CABP2: variants seen among roughly 807,000 people sequenced by gnomAD.
CABP2 encodes calcium-binding protein 2.
In CABP2, 25 loss-of-function variants were observed where a neutral mutation model predicts 28.6. The observed-to-expected ratio is 0.87, with a 90% CI of 0.64 to 1.22. The LOEUF (loss-of-function observed/expected upper bound fraction) is 1.22, where lower values mean the gene tolerates loss of function less well. Ranked by LOEUF, CABP2 falls within the 50% of genes most tolerant of loss-of-function variation. The pLI is 0.00. For synonymous variants in CABP2, 138 were observed against 126.0 expected, an observed-to-expected ratio of 1.09 and a Z score of -0.64; for missense variants, 310 against 312.2, an observed-to-expected ratio of 0.99 and a Z score of 0.05.
At chr11:67,520,216 G>T in intron 4 of CABP2, 56 bp from the exon 5 acceptor site, 3 of 1,145,010 alleles carry the variant, frequency 2.6e-6, no homozygotes, top group Non-Finnish European at 2.6e-6. Flanking sequence ...CCCCTCCCTG[G>T]CCCTCCCTCC....
chr11:67,520,955 C>G lies in CABP2; in HGVS notation c.379+70G>C, dbSNP rs79762021. Reference sequence around the variant, plus strand: ...CTGTGCAGTCACCTGTGTACCTGGACTGCTTGGCTTCATGGGCCCAGCGGG... The same window carrying G: ...CTGTGCAGTCACCTGTGTACCTGGAGTGCTTGGCTTCATGGGCCCAGCGGG... On this transcript the variant is annotated intron_variant, in intron 4 of 6. Transcript: ENST00000294288. 2.3e-5 allele frequency: 36 copies of G among 1,541,170 alleles called. No individual in the cohort carries two copies. In the East Asian group the frequency reaches 8.1e-4, roughly 35 times the overall value.
intron 2 of CABP2, 69 bp from the exon 3 acceptor site, chr11:67,522,051 CG>C: frequency 7.0e-7 from 1 of 1,427,078 alleles, no homozygotes; most frequent in Non-Finnish European, 9.8e-7. Flanking sequence ...TCTTGCTTCC[CG>C]GGGCTCCCCA....
chr11:67,522,635 C>T lies in CABP2; in HGVS notation c.124G>A (p.Ala42Thr), dbSNP rs75768178. Residue 42 changes from alanine (A) to threonine (T), a missense_variant, in exon 2 of 7, where the codon GCG becomes ACG. Transcript: ENST00000294288. ...SSSPKEQGDP[A>T]PGVQGYSVLN... ...ACCGAGTAGCCCTGGACGCCTGGCG[C>T]GGGGTCCCCCTGCTCCTTGGGGCTG... 7.0e-4 allele frequency: 1,076 copies of T among 1,547,446 alleles called. 15 individuals carry two copies. The East Asian group carries it at 0.023, about 33-fold the overall frequency.
Position 67,522,597 on chromosome 11 carries a change from C to A in CABP2, c.162G>T (p.Leu54=). The part of the protein sequence containing the change: ...GVQGYSVLNS[L]VGPACIFLRP... ...GCAGGAAGATGCAGGCAGGCCCCAC[C>A]AGGCTGTTGAGCACCGAGTAGCCCT... The change falls in exon 2 of 7, where the codon CTG becomes CTT. Residue 54 remains leucine, a synonymous_variant. Coordinates refer to ENST00000294288, the MANE Select transcript of CABP2 (RefSeq NM_016366.3). 6.4e-7 allele frequency: 1 copy of A among 1,552,378 alleles called. No homozygotes were observed. Among genetic ancestry groups the A allele is most frequent in the Middle Eastern group, 1.7e-4 (1 of 5,954 alleles).
chr11:67,519,539 C>G (rs190083675), intron 6 of CABP2, among the ~76,000 whole-genome samples: 46 of 152,318 alleles, frequency 3.0e-4, no homozygotes, highest in Admixed American at 5.9e-4. Flanking sequence ...CTGGATCAGG[C>G]TGCCCAGATT....
At chr11:67,520,836 C>G (rs1165095365) in intron 4 of CABP2, among the ~76,000 whole-genome samples, 189 bp downstream of exon 4, 1 of 152,218 alleles carries the variant, frequency 6.6e-6, no homozygotes, top group Non-Finnish European at 1.5e-5. Context: ...GGATCACAGT[C>G]CTTGCTGTGC....
intron 4 of CABP2, 54 bp from the exon 5 acceptor site, chr11:67,520,214 T>C: frequency 8.7e-7 from 1 of 1,153,490 alleles, no homozygotes; most frequent in Non-Finnish European, 1.3e-6. Context: ...TGCCCCTCCC[T>C]GGCCCTCCCT....
intron 3 of CABP2, among the ~76,000 whole-genome samples, chr11:67,521,733 G>C (rs1286622781): frequency 6.6e-6 from 1 of 152,192 alleles, no homozygotes. Flanking sequence ...TGCCTGGTGA[G>C]TGAGACCAAG....
rs1275316245 is a variant in CABP2, at chr11:67,519,954, G to A, written c.490-14C>T. 2.5e-6 allele frequency: 4 copies of A among 1,602,074 alleles called. No individual in the cohort carries two copies. In the African/African-American group the frequency reaches 4.0e-5, roughly 16 times the overall value. On this transcript the variant is annotated splice_polypyrimidine_tract_variant and intron_variant, in intron 5 of 6. Transcript: ENST00000294288. ...ATTGGTGTCGAACTGTGGCGGCGTTGGTTGTGGCGTCTGGTCACTGACAGT... is the reference window on the plus strand; with the variant it reads ...ATTGGTGTCGAACTGTGGCGGCGTTAGTTGTGGCGTCTGGTCACTGACAGT...
rs1866744290 is a variant in CABP2 at position 67,521,231 on chromosome 11, C to T, written c.245-72G>A. On this transcript the variant is annotated intron_variant, in intron 3 of 6. Transcript: ENST00000294288. The stretch of plus-strand genomic sequence containing the variant: ...CTGGCCTGGACCCGCCTACCCTTCT[C>T]CCTTGGTCCAATCATCCCTCCTTCT... 19 of 1,493,874 alleles carry T rather than the reference C, an allele frequency of 1.3e-5. No homozygotes were observed. The South Asian group carries it at 1.9e-4, about 15-fold the overall frequency. 92.5% of individuals were successfully genotyped at this position (1,493,874 alleles called of 1,614,324 possible). A position where few individuals can be genotyped will look rare whatever the true frequency, so the allele number is the denominator to read the frequency against.
rs1176836668 is a variant in CABP2 at position 67,519,829 on chromosome 11, C to G, written c.601G>C (p.Val201Leu). The G allele has an allele frequency of 1.2e-6, 2 of 1,614,084 alleles. No homozygotes were observed. The highest frequency in any genetic ancestry group is 2.7e-5 in the African/African-American group (2 of 75,042). ...QREVDEILQD[V>L]DLNGDGLVDF... ...ACCAGACCGTCCCCATTGAGGTCCA[C>G]GTCCTGGAGGATCTCGTCCACCTCC... Residue 201 changes from valine (V) to leucine (L), a missense_variant, in exon 6 of 7, where the codon GTG (valine) becomes CTG (leucine). Val to Leu is a conservative substitution (Grantham distance 32). Transcript: ENST00000294288.
intron 2 of CABP2, 34 bp downstream of exon 2, chr11:67,522,512 G>T: frequency 1.9e-6 from 3 of 1,552,270 alleles, no homozygotes; most frequent in Non-Finnish European, 2.6e-6. Flanking sequence ...AGGGGCAAGG[G>T]CAGGCAGGCT....
intron 1 of CABP2, 98 bp from the exon 2 acceptor site, chr11:67,522,814 CCCGGCATGG>C: frequency 8.6e-7 from 1 of 1,160,880 alleles, no homozygotes; most frequent in African/African-American, 1.6e-5. Context: ...GTCTTTGGAG[CCCGGCATGG>C]GACAGTAGGG....
Position 67,523,383 on chromosome 11 carries a change from G to T in CABP2, c.-57C>A, listed in dbSNP as rs774220847. 1.7e-5 allele frequency: 25 copies of T among 1,506,170 alleles called. No homozygotes were observed. In the African/African-American group the frequency reaches 3.5e-4, roughly 21 times the overall value. The allele number at this position is 1,506,170 out of a possible 1,614,324, so 93.3% of individuals were successfully genotyped here. ...GGGGGTGGCCCGGGTGGGCCTCGGCGGATGCTGCTGCCTGAGGACTCCTGC... is the reference window on the plus strand; with the variant it reads ...GGGGGTGGCCCGGGTGGGCCTCGGCTGATGCTGCTGCCTGAGGACTCCTGC... On this transcript the variant is annotated 5_prime_UTR_variant, in exon 1 of 7. Coordinates refer to ENST00000294288, the MANE Select transcript of CABP2 (RefSeq NM_016366.3).
intron 2 of CABP2, 55 bp downstream of exon 2, chr11:67,522,491 G>A: frequency 6.5e-7 from 1 of 1,540,240 alleles, no homozygotes; most frequent in Non-Finnish European, 8.8e-7. Context: ...GGGCAGGTGA[G>A]CTGGTGGGAG....
intron 5 of CABP2, 40 bp from the exon 6 acceptor site, chr11:67,519,980 C>T (rs751411709): frequency 6.3e-7 from 1 of 1,597,686 alleles, no homozygotes; most frequent in Admixed American, 1.7e-5. Context: ...CACTGACAGT[C>T]ATTCACACGC....
intron 6 of CABP2, 64 bp downstream of exon 6, chr11:67,519,729 T>G (rs1017223039): frequency 3.0e-5 from 46 of 1,544,988 alleles, no homozygotes; most frequent in African/African-American, 4.1e-5. Context: ...TGACTCTTGC[T>G]GTGCGGTTTC....
At chr11:67,520,210 T>A in intron 4 of CABP2, 50 bp from the exon 5 acceptor site, 1 of 1,139,858 alleles carries the variant, frequency 8.8e-7, no homozygotes. Context: ...CCCCTGCCCC[T>A]CCCTGGCCCT....
chr11:67,521,051 T>G lies in CABP2; in HGVS notation c.353A>C (p.Glu118Ala). ...GATTTGTTGTGAGATCTCGATGAGC[T>G]CCATCTCGGTGGGCATGTAGCCCAG... The part of the protein sequence containing the change: ...RTLGYMPTEM[E>A]LIEISQQISG... The change falls in exon 4 of 7, where the codon GAG becomes GCG. Residue 118 changes from glutamate (E) to alanine (A), a missense_variant. Glu to Ala is a moderately radical substitution (Grantham distance 107). Coordinates refer to ENST00000294288, the MANE Select transcript of CABP2 (RefSeq NM_016366.3). 6.2e-7 allele frequency: 1 copy of G among 1,613,474 alleles called. No homozygotes were observed. The highest frequency in any genetic ancestry group is 1.3e-5 in the African/African-American group (1 of 74,774).
Sources: allele counts gnomAD v4.1 joint callset (sites outside exome capture counted in the v4.1 genomes callset), GRCh38; gene constraint gnomAD v4.1.1; transcripts MANE v1.5; gene names NCBI Gene and HGNC (gene_info 2026-07-23, HGNC 2026-07-21).